Variants in KDM3B observed in about 807,000 individuals in gnomAD.
KDM3B encodes lysine-specific demethylase 3B.
In KDM3B, 10 loss-of-function variants were observed where a neutral mutation model predicts 170.0. The observed-to-expected ratio is 0.06, with a 90% confidence interval of 0.04 to 0.10. The LOEUF is 0.10. KDM3B is among the 10% of genes least tolerant of loss of function. The pLI is 1.00. For missense variants in KDM3B, 1,394 were observed against 2,195.2 expected (o/e 0.64, Z 7.29); for synonymous variants, 831 against 834.8 (o/e 1.00, Z 0.08).
At position 138,352,801 on chromosome 5, in the gene KDM3B, G is replaced by A; in HGVS notation, c.6G>A (p.Ala2=). M[A]DAAASPVGKR... The stretch of plus-strand genomic sequence containing the variant: ...GGGTCAGGCCGGCCCCGGCGATGGC[G>A]GACGCGGCGGCCTCCCCGGTGGGCA... The change falls in exon 1 of 24, where the codon GCG becomes GCA. Residue 2 remains alanine (A), a synonymous_variant. Transcript: ENST00000314358. 1 of 1,294,004 alleles carries A rather than the reference G, an allele frequency of 7.7e-7. No homozygotes were observed. Among genetic ancestry groups the A allele is most frequent in the South Asian group, 2.1e-5 (1 of 48,388 alleles). 80.2% of individuals were successfully genotyped at this position (1,294,004 alleles called of 1,614,324 possible). A position where few individuals can be genotyped will look rare whatever the true frequency, so the allele number is the denominator to read the frequency against.
At chr5:138,360,873 T>C (rs1761590554) in intron 1 of KDM3B, among the ~76,000 whole-genome samples, 1 of 152,186 alleles carries the variant, frequency 6.6e-6, no homozygotes, top group African/African-American at 2.4e-5. Flanking sequence ...ATTACAGGCG[T>C]GAGCCACCAC....
At position 138,417,628 on chromosome 5, in the gene KDM3B, G is replaced by T; in HGVS notation, c.3435+18G>T. ...TGTCACAGGTAAACTGGTGTGTGTG[G>T]GTATAACTAAGTGAAGCCTAAATTT... is the stretch of plus-strand genomic sequence containing the variant. On this transcript the variant is annotated intron_variant, in intron 13 of 23. Coordinates refer to ENST00000314358, the MANE Select transcript of KDM3B (RefSeq NM_016604.4). 2 of 1,606,820 alleles carry T rather than the reference G, an allele frequency of 1.2e-6. No homozygotes were observed. The highest frequency in any genetic ancestry group is 1.1e-5 in the South Asian group (1 of 90,742).
chr5:138,419,688 T>TATATATAC (rs1192676979), intron 14 of KDM3B, among the ~76,000 whole-genome samples: 1 of 119,112 alleles, frequency 8.4e-6, no homozygotes, highest in African/African-American at 3.3e-5. Context: ...TATATATATA[T>TATATATAC]ACATATATAT....
chr5:138,381,653 A>G (rs370712859), intron 6 of KDM3B, 63 bp downstream of exon 6: 19 of 1,007,322 alleles, frequency 1.9e-5, no homozygotes, highest in Non-Finnish European at 2.5e-5. Context: ...CTGTGTGTAG[A>G]TCCCTTATAT....
intron 11 of KDM3B, among the ~76,000 whole-genome samples, chr5:138,402,446 A>G (rs984994340): frequency 5.3e-5 from 8 of 152,186 alleles, no homozygotes; most frequent in African/African-American, 1.9e-4. Context: ...ATCTTGGGCT[A>G]GTTACTTAAT....
At position 138,391,812 on chromosome 5, in the gene KDM3B, C is replaced by T. The variant is rs756478393; in HGVS notation, c.2180C>T (p.Ser727Leu). ...GCCATGGGGAATGGCCGCTCCAGCT[C>T]GCCCACCAGCAGCCTCACTCAGCCC... ...LSAMGNGRSS[S>L]PTSSLTQPIE... The change falls in exon 8 of 24, where the codon TCG (serine) becomes TTG (leucine). Residue 727 changes from serine (S) to leucine (L), a missense_variant. Physicochemically the swap from Ser to Leu is moderately radical, Grantham distance 145. This residue lies in a region of KDM3B where 294 missense variants were observed against 311.7 expected (regional missense o/e 0.94). Coordinates refer to ENST00000314358, the MANE Select transcript of KDM3B (RefSeq NM_016604.4). The surrounding 1 kb of genome is among the most constrained non-coding windows in gnomAD (Gnocchi z 5.0). 1.2e-5 allele frequency: 19 copies of T among 1,614,064 alleles called. No homozygotes were observed. The East Asian group carries it at 1.3e-4, about 11-fold the overall frequency.
intron 10 of KDM3B, 141 bp downstream of exon 10, chr5:138,398,533 A>G (rs2126960121): frequency 1.4e-6 from 1 of 690,954 alleles, no homozygotes; most frequent in African/African-American, 1.8e-5. Context: ...TCTTTGTAGC[A>G]ACCTGTCGTT....
At position 138,372,721 on chromosome 5, in the gene KDM3B, A is replaced by C; in HGVS notation, c.240A>C (p.Val80=). Residue 80 remains valine (V), a synonymous_variant, in exon 2 of 24, where the codon GTA becomes GTC. Coordinates refer to ENST00000314358, the MANE Select transcript of KDM3B (RefSeq NM_016604.4). ...GTAACTGGAAGCAACACTCCTGGGT[A>C]AAAGTTCATGCTGAGGAAGTTATCG... ...DGCNWKQHSW[V]KVHAEEVIVL... is the part of the protein sequence containing the mutation. 6.2e-7 allele frequency: 1 copy of C among 1,614,076 alleles called. No individual in the cohort carries two copies. Among genetic ancestry groups the C allele is most frequent in the Non-Finnish European group, 8.5e-7 (1 of 1,179,984 alleles).
intron 23 of KDM3B, among the ~76,000 whole-genome samples, chr5:138,432,186 T>A (rs912669163): frequency 2.3e-4 from 35 of 152,230 alleles, no homozygotes; most frequent in Admixed American, 1.0e-3. Flanking sequence ...CAGTGTGTTC[T>A]AAGCATGTTT....
Sources: gnomAD v4.1 joint callset for allele counts (sites outside exome capture counted in the v4.1 genomes callset) on GRCh38, gnomAD v4.1.1 for gene constraint, gnomAD v4.1.1 regional missense constraint, Gnocchi (gnomAD v3.1) non-coding constraint, MANE v1.5 for transcripts, NCBI Gene and HGNC (gene_info 2026-07-23, HGNC 2026-07-21) for gene names.